COP1: variants seen among roughly 807,000 people sequenced by gnomAD.
COP1 encodes the protein COP1 E3 ubiquitin ligase.
In COP1, 24 loss-of-function variants were observed where a neutral mutation model predicts 101.3. The ratio of observed to expected loss-of-function variants is 0.24; its 90% CI spans 0.17 to 0.33. The LOEUF is 0.33. COP1 is among the 10% of genes least tolerant of loss of function. The pLI, the probability that COP1 is intolerant of heterozygous loss-of-function variation, is 1.00. For synonymous variants in COP1, 347 were observed against 341.9 expected (o/e 1.01, Z -0.17); for missense variants, 663 against 906.2 (o/e 0.73, Z 3.45).
chr1:176,074,653 T>C (rs1677639641), intron 11 of COP1, among the ~76,000 whole-genome samples: 1 of 152,144 alleles, frequency 6.6e-6, no homozygotes, highest in Non-Finnish European at 1.5e-5. Context: ...GAATGCACAA[T>C]GTTTTCACAT....
At chr1:176,082,520 A>C (rs1325489361) in intron 10 of COP1, among the ~76,000 whole-genome samples, 1 of 152,164 alleles carries the variant, frequency 6.6e-6, no homozygotes, top group Admixed American at 6.6e-5. Flanking sequence ...AAAAATAAAC[A>C]ACAGGGCCGG....
At chr1:176,121,065 G>A (rs1417840660) in intron 8 of COP1, among the ~76,000 whole-genome samples, 1 of 151,600 alleles carries the variant, frequency 6.6e-6, no homozygotes, top group Non-Finnish European at 1.5e-5. Context: ...TGCTATAAAC[G>A]TAAAAGAGAG....
At chr1:176,024,167 G>A (rs758137260) in intron 15 of COP1, among the ~76,000 whole-genome samples, 7 of 152,146 alleles carry the variant, frequency 4.6e-5, no homozygotes, top group African/African-American at 9.7e-5. Context: ...GGTGAGGCAC[G>A]AGAATCACTT....
At chr1:175,983,286 A>G (rs1656308791) in intron 18 of COP1, among the ~76,000 whole-genome samples, 1 of 152,222 alleles carries the variant, frequency 6.6e-6, no homozygotes, top group Admixed American at 6.5e-5. Context: ...AGTGGGAGGT[A>G]AATGACTCAT....
chr1:175,959,399 G>T (rs1280354646), intron 18 of COP1, among the ~76,000 whole-genome samples: 1 of 151,910 alleles, frequency 6.6e-6, no homozygotes, highest in Non-Finnish European at 1.5e-5. Flanking sequence ...ACAAGTCAAC[G>T]ATGCCAGATA....
In COP1 at chr1:176,109,984, GATAA is replaced by G. The variant is rs200568162; in HGVS notation, c.1026+6636_1026+6639del. On this transcript the variant is annotated intron_variant, in intron 9 of 19. Transcript: ENST00000367669. ...TTCTGACCACATTCCAGAAATTTTTGATAAATAATGTTTCCACTAGCGGTATTTT... is the reference window on the plus strand; with the variant it reads ...TTCTGACCACATTCCAGAAATTTTTGATAATGTTTCCACTAGCGGTATTTT... Among the ~76,000 whole-genome samples, 1,411 of 152,094 alleles carry G rather than the reference GATAA, an allele frequency of 9.3e-3. 23 individuals carry two copies. The highest frequency in any genetic ancestry group is 0.032 in the African/African-American group (1,342 of 41,524).
At chr1:175,977,974 CA>C (rs1156493706) in intron 18 of COP1, among the ~76,000 whole-genome samples, 2 of 151,884 alleles carry the variant, frequency 1.3e-5, no homozygotes, top group Admixed American at 6.6e-5. Flanking sequence ...TAGGGATTAC[CA>C]AAAGATAAAC....
intron 1 of COP1, among the ~76,000 whole-genome samples, chr1:176,189,291 A>C (rs185545086): frequency 2.6e-5 from 4 of 152,184 alleles, no homozygotes; most frequent in Admixed American, 2.6e-4. Flanking sequence ...TATTTCTTTC[A>C]GTCCATTTTG....
At chr1:175,992,528 G>A (rs867317009) in intron 15 of COP1, among the ~76,000 whole-genome samples, 3 of 152,170 alleles carry the variant, frequency 2.0e-5, no homozygotes, top group Non-Finnish European at 2.9e-5. Flanking sequence ...CTGGAAAATT[G>A]GGTCACTCCC....
intron 11 of COP1, among the ~76,000 whole-genome samples, chr1:176,074,290 T>C (rs575815646): frequency 2.6e-5 from 4 of 152,230 alleles, no homozygotes; most frequent in East Asian, 3.9e-4. Context: ...TTAGAAGGCG[T>C]TGAAGTAAAT....
intron 18 of COP1, among the ~76,000 whole-genome samples, chr1:175,960,312 T>G (rs1313290164): frequency 3.3e-5 from 5 of 152,242 alleles, no homozygotes; most frequent in Admixed American, 2.6e-4. Flanking sequence ...ACTTGACCTC[T>G]CTGAATCTCA....
intron 9 of COP1, among the ~76,000 whole-genome samples, chr1:176,096,728 T>C (rs1041263553): frequency 6.6e-6 from 1 of 152,240 alleles, no homozygotes; most frequent in Non-Finnish European, 1.5e-5. Flanking sequence ...TATCACTGTT[T>C]ATATTCTCTG....
intron 15 of COP1, among the ~76,000 whole-genome samples, chr1:176,007,719 G>A (rs969320949): frequency 2.8e-4 from 43 of 152,150 alleles, no homozygotes; most frequent in South Asian, 6.2e-4. Context: ...CTCCAGCTGC[G>A]TGCTGGGAGA....
intron 15 of COP1, among the ~76,000 whole-genome samples, chr1:175,990,904 T>C (rs899969278): frequency 2.0e-5 from 3 of 148,128 alleles, no homozygotes; most frequent in Non-Finnish European, 4.5e-5. Context: ...AGCTGGATTC[T>C]AATTTTTTTT....
chr1:176,042,991 T>G (rs1001772019), intron 14 of COP1, among the ~76,000 whole-genome samples, 195 bp downstream of exon 14: 5 of 152,166 alleles, frequency 3.3e-5, no homozygotes, highest in Non-Finnish European at 2.9e-5. Context: ...ATTGTGCCAC[T>G]GTACTCCAGC....
intron 11 of COP1, among the ~76,000 whole-genome samples, chr1:176,073,118 T>C (rs918918055): frequency 2.0e-5 from 3 of 152,176 alleles, no homozygotes; most frequent in Non-Finnish European, 2.9e-5. Flanking sequence ...TCAGTTTTTT[T>C]CATCTGTAAA....
At chr1:176,058,071 C>G (rs1455998685) in intron 11 of COP1, among the ~76,000 whole-genome samples, 2 of 130,062 alleles carry the variant, frequency 1.5e-5, no homozygotes, top group South Asian at 2.9e-4. Context: ...GCCGCCCCGG[C>G]CGGGAGGGAG....
At chr1:176,125,922 T>C (rs1221188368) in intron 8 of COP1, among the ~76,000 whole-genome samples, 2 of 152,206 alleles carry the variant, frequency 1.3e-5, no homozygotes, top group Admixed American at 6.5e-5. Flanking sequence ...ATAGTTTTCA[T>C]TATAGATATC....
intron 8 of COP1, among the ~76,000 whole-genome samples, chr1:176,132,150 C>A (rs1305999278): frequency 6.6e-6 from 1 of 151,762 alleles, no homozygotes; most frequent in African/African-American, 2.4e-5. Flanking sequence ...TCCCCAGCTT[C>A]CAATGTCAAG....
Sources: gnomAD v4.1 joint callset for allele counts (sites outside exome capture counted in the v4.1 genomes callset) on GRCh38, gnomAD v4.1.1 for gene constraint, MANE v1.5 for transcripts, NCBI Gene and HGNC (gene_info 2026-07-23, HGNC 2026-07-21) for gene names.